EFL1: variants seen among roughly 807,000 people sequenced by gnomAD.
EFL1 encodes elongation factor like GTPase 1, also known as elongation factor-like GTPase 1.
EFL1 carries 76 observed loss-of-function variants against 126.7 expected under a neutral mutation model. That is an observed-to-expected ratio of 0.60 (90% CI 0.50 to 0.73). The LOEUF is 0.73. Ranked by LOEUF, EFL1 falls within the 30% of genes least tolerant of loss-of-function variation. The pLI is 0.00. For missense variants in EFL1, 1,128 were observed against 1,343.2 expected (o/e 0.84, Z 2.50); for synonymous variants, 410 against 448.4 (o/e 0.91, Z 1.08).
At chr15:82,226,180 G>GT (rs1185254713) in intron 11 of EFL1, among the ~76,000 whole-genome samples, 7 of 152,148 alleles carry the variant, frequency 4.6e-5, no homozygotes, top group African/African-American at 4.8e-5. Context: ...TTGTTTGTTT[G>GT]TTTTTTCAGA....
At chr15:82,248,792 A>G (rs1469268551) in intron 4 of EFL1, among the ~76,000 whole-genome samples, 3 of 152,110 alleles carry the variant, frequency 2.0e-5, no homozygotes, top group Non-Finnish European at 4.4e-5. Flanking sequence ...CAATTTTTAA[A>G]TAAGTTGGCA....
chr15:82,140,374 T>C (rs2665103), intron 18 of EFL1, among the ~76,000 whole-genome samples: 86,035 of 151,900 alleles, frequency 0.57, 25,068 homozygotes, highest in East Asian at 0.8. Context: ...TCTGTGGTAT[T>C]TGAAGCTACT....
intron 16 of EFL1, among the ~76,000 whole-genome samples, chr15:82,159,087 G>A (rs567663519): frequency 6.6e-6 from 1 of 152,196 alleles, no homozygotes; most frequent in Non-Finnish European, 1.5e-5. Flanking sequence ...AAGACGGAAA[G>A]TGGGATTTCA....
intron 15 of EFL1, among the ~76,000 whole-genome samples, chr15:82,182,359 G>A (rs900402516): frequency 6.6e-6 from 1 of 152,210 alleles, no homozygotes; most frequent in Non-Finnish European, 1.5e-5. Flanking sequence ...CAATAGGTTT[G>A]GTGTGAGCTA....
chr15:82,132,978 G>GC (rs1315305708), intron 19 of EFL1, among the ~76,000 whole-genome samples: 2 of 152,102 alleles, frequency 1.3e-5, no homozygotes, highest in Non-Finnish European at 2.9e-5. Context: ...TGGGCTCAGG[G>GC]CCTGGGCAGG....
At chr15:82,237,737 C>G (rs1383313258) in intron 7 of EFL1, among the ~76,000 whole-genome samples, 1 of 130,352 alleles carries the variant, frequency 7.7e-6, no homozygotes, top group African/African-American at 3.0e-5. Context: ...CTCATAATGG[C>G]CCAAAAAGGA....
chr15:82,211,824 A>G (rs1430511486), intron 15 of EFL1, among the ~76,000 whole-genome samples: 1 of 152,218 alleles, frequency 6.6e-6, no homozygotes, highest in Admixed American at 6.5e-5. Flanking sequence ...TAATGAAGCC[A>G]TTAAAATGGG....
At chr15:82,253,524 A>C (rs2141340424) in intron 3 of EFL1, among the ~76,000 whole-genome samples, 1 of 152,238 alleles carries the variant, frequency 6.6e-6, no homozygotes. Context: ...CAGGTCAAGA[A>C]CAACTTACGG....
At chr15:82,235,843 C>G (rs1332056601) in intron 7 of EFL1, among the ~76,000 whole-genome samples, 1 of 152,002 alleles carries the variant, frequency 6.6e-6, no homozygotes, top group Non-Finnish European at 1.5e-5. Flanking sequence ...GAAATTCTAG[C>G]CAGTGCAATC....
At chr15:82,162,150 G>A (rs1485087439) in intron 16 of EFL1, among the ~76,000 whole-genome samples, 1 of 151,910 alleles carries the variant, frequency 6.6e-6, no homozygotes, top group Non-Finnish European at 1.5e-5. Flanking sequence ...GGTGACATAT[G>A]TCTGTGGTCC....
At chr15:82,143,142 A>G (rs1421841892) in intron 18 of EFL1, among the ~76,000 whole-genome samples, 2 of 152,236 alleles carry the variant, frequency 1.3e-5, no homozygotes, top group Non-Finnish European at 2.9e-5. Flanking sequence ...ACAGTAAACA[A>G]TCAGGAAACA....
At chr15:82,180,656 T>C (rs1008938245) in intron 15 of EFL1, among the ~76,000 whole-genome samples, 1 of 152,104 alleles carries the variant, frequency 6.6e-6, no homozygotes, top group African/African-American at 2.4e-5. Context: ...ACATTAATCA[T>C]ATAAGATCCT....
intron 4 of EFL1, among the ~76,000 whole-genome samples, chr15:82,241,648 T>C (rs756221997): frequency 6.6e-6 from 1 of 152,260 alleles, no homozygotes; most frequent in South Asian, 2.1e-4. Flanking sequence ...TAAGAGCTTA[T>C]TGGGAGCCAG....
intron 15 of EFL1, among the ~76,000 whole-genome samples, chr15:82,190,671 G>C (rs930301836): frequency 3.3e-5 from 5 of 152,314 alleles, no homozygotes; most frequent in Admixed American, 1.3e-4. Context: ...TGGCTGGCAA[G>C]TAGAATCACA....
chr15:82,145,020 G>C (rs1374595162), intron 18 of EFL1, among the ~76,000 whole-genome samples: 6 of 150,450 alleles, frequency 4.0e-5, no homozygotes, highest in Non-Finnish European at 8.9e-5. Flanking sequence ...AGGAAACAGC[G>C]AGGCCAGGCA....
At position 82,152,038 on chromosome 15, in the gene EFL1, T is replaced by A; in HGVS notation, c.2416A>T (p.Lys806Ter). 6.2e-7 allele frequency: 1 copy of A among 1,614,176 alleles called. No homozygotes were observed. The highest frequency in any genetic ancestry group is 1.1e-5 in the South Asian group (1 of 91,080). ...CTCCCTGTTAGGTGTTGCTCCAGTT[T>A]TCCTTTGAATTCCCAAATTTTCTCT... ...TQEKIWEFKG[K>*]LEQHLTGRRW... The change falls in exon 18 of 20, where the codon AAA becomes TAA. Residue 806 changes from lysine to a stop codon, truncating the protein, a stop_gained. Transcript: ENST00000268206. LOFTEE classifies it high-confidence loss of function.
intron 18 of EFL1, among the ~76,000 whole-genome samples, chr15:82,148,232 G>C (rs1050050275): frequency 6.6e-6 from 1 of 151,974 alleles, no homozygotes; most frequent in African/African-American, 2.4e-5. Context: ...ATAAAAATTA[G>C]CCAGGTGTGG....
At chr15:82,187,164 T>C (rs766950340) in intron 15 of EFL1, among the ~76,000 whole-genome samples, 15 of 152,216 alleles carry the variant, frequency 9.9e-5, no homozygotes, top group Non-Finnish European at 1.3e-4. Flanking sequence ...AGTGCTACTG[T>C]AGTGCTTTCC....
chr15:82,157,911 T>A, intron 16 of EFL1, 51 bp from the exon 17 acceptor site: 1 of 1,544,216 alleles, frequency 6.5e-7, no homozygotes, highest in East Asian at 2.3e-5. Context: ...ACTAACACAA[T>A]TCAAAGACAA....
Sources: gnomAD v4.1 joint callset for allele counts (sites outside exome capture counted in the v4.1 genomes callset) on GRCh38, gnomAD v4.1.1 for gene constraint, MANE v1.5 for transcripts, NCBI Gene and HGNC (gene_info 2026-07-23, HGNC 2026-07-21) for gene names.